Variants in ANKRD11 observed in about 807,000 individuals in gnomAD.
ANKRD11 encodes the protein ankyrin repeat domain-containing protein 11.
In ANKRD11, 17 loss-of-function variants were observed where a neutral mutation model predicts 195.7. The ratio of observed to expected loss-of-function variants is 0.09; its 90% CI spans 0.06 to 0.13. The LOEUF is 0.13. Ranked by LOEUF, ANKRD11 falls within the 10% of genes least tolerant of loss-of-function variation. The pLI, the probability that ANKRD11 is intolerant of heterozygous loss-of-function variation, is 1.00. For missense variants in ANKRD11, 3,735 were observed against 3,566.1 expected (o/e 1.05, Z -1.21); for synonymous variants, 1,953 against 1,528.1 (o/e 1.28, Z -6.49).
intron 1 of ANKRD11, among the ~76,000 whole-genome samples, chr16:89,481,067 TTC>T (rs2057428962): frequency 6.6e-6 from 1 of 152,228 alleles, no homozygotes; most frequent in South Asian, 2.1e-4. Context: ...CTGCTTTCTT[TTC>T]TGTCTCCTTT....
intron 11 of ANKRD11, chr16:89,271,191 C>G: frequency 2.0e-6 from 1 of 498,502 alleles, no homozygotes; most frequent in Non-Finnish European, 3.7e-6. Flanking sequence ...CAGCCCTGCC[C>G]CCAGGGGACA....
chr16:89,427,408 A>T (rs571058613), intron 1 of ANKRD11, among the ~76,000 whole-genome samples: 1 of 152,342 alleles, frequency 6.6e-6, no homozygotes, highest in South Asian at 2.1e-4. Context: ...AGTGATCCAA[A>T]AATCTAGATG....
intron 2 of ANKRD11, among the ~76,000 whole-genome samples, chr16:89,332,447 C>A (rs2038116823): frequency 6.6e-6 from 1 of 152,168 alleles, no homozygotes; most frequent in South Asian, 2.1e-4. Flanking sequence ...AACGGCAGCA[C>A]CTGTACCCGC....
At chr16:89,473,659 G>A (rs554252139) in intron 1 of ANKRD11, among the ~76,000 whole-genome samples, 1 of 152,332 alleles carries the variant, frequency 6.6e-6, no homozygotes, top group African/African-American at 2.4e-5. Flanking sequence ...ATGGAGGAGA[G>A]AGAGATGCAA....
In ANKRD11 at chr16:89,384,879, C is replaced by CTTTTTTTTTTTTTTTTTTTTTTTTTT. The variant is rs869271846; in HGVS notation, c.-60+33379_-60+33404dup. Reference sequence around the variant, plus strand: ...GGAGCACACAATGAGAAATAGTTTTCTTTTTTTTTTTTTTTTTTTTTTTTT... The same window carrying CTTTTTTTTTTTTTTTTTTTTTTTTTT: ...GGAGCACACAATGAGAAATAGTTTTCTTTTTTTTTTTTTTTTTTTTTTTTTTTTTTTTTTTTTTTTTTTTTTTTTTT... On this transcript the variant is annotated intron_variant, in intron 2 of 12. Transcript: ENST00000301030. Among the ~76,000 whole-genome samples, 63 of 49,940 alleles carry CTTTTTTTTTTTTTTTTTTTTTTTTTT rather than the reference C, an allele frequency of 1.3e-3. 13 individuals carry two copies. Among genetic ancestry groups the CTTTTTTTTTTTTTTTTTTTTTTTTTT allele is most frequent in the Non-Finnish European group, 1.5e-3 (42 of 28,702 alleles). The allele number at this position is 49,940 out of a possible 152,430, so 32.8% of individuals were successfully genotyped here. A position where few individuals can be genotyped will look rare whatever the true frequency, so the allele number is the denominator to read the frequency against.
chr16:89,418,358 C>T lies in ANKRD11; in HGVS notation c.-134G>A. On this transcript the variant is annotated 5_prime_UTR_variant, in exon 2 of 13. Transcript: ENST00000301030. ...AATGGAGGTGTGTCCCAGAGCAGGGCTGTATATATTCTGAAACAAGAGAGT... is the reference window on the plus strand; with the variant it reads ...AATGGAGGTGTGTCCCAGAGCAGGGTTGTATATATTCTGAAACAAGAGAGT... 2 of 449,744 alleles carry T rather than the reference C, an allele frequency of 4.4e-6. No homozygotes were observed. Among genetic ancestry groups the T allele is most frequent in the Non-Finnish European group, 8.9e-6 (2 of 224,174 alleles). The allele number at this position is 449,744 out of a possible 1,614,324, so 27.9% of individuals were successfully genotyped here.
At position 89,470,466 on chromosome 16, in the gene ANKRD11, TAC is replaced by T. The variant is rs138419675; in HGVS notation, c.-145+19777_-145+19778del. 1.3e-3 allele frequency among the ~76,000 whole-genome samples: 201 copies of T among 152,250 alleles called. 1 individual carries two copies. The highest frequency in any genetic ancestry group is 4.6e-3 in the African/African-American group (193 of 41,552). On this transcript the variant is annotated intron_variant, in intron 1 of 12. Coordinates refer to ENST00000301030, the MANE Select transcript of ANKRD11 (RefSeq NM_013275.6). ...GAGAGGCAGCCATGGGTGTTTTGTG[TAC>T]AGACTAAACGTAGGTAGGGAATACT...
intron 4 of ANKRD11, chr16:89,300,410 G>A: frequency 5.4e-6 from 1 of 183,652 alleles, no homozygotes; most frequent in Non-Finnish European, 1.1e-5. Flanking sequence ...GCCCTTCCTG[G>A]CCAGAGGCTC....
intron 2 of ANKRD11, among the ~76,000 whole-genome samples, chr16:89,337,429 CTTTT>C (rs1165680827): frequency 3.2e-4 from 17 of 53,132 alleles, no homozygotes; most frequent in East Asian, 2.4e-3. Flanking sequence ...CTAAGCAATT[CTTTT>C]TTTTTTTTTT....
At chr16:89,375,592 T>C (rs1041139384) in intron 2 of ANKRD11, among the ~76,000 whole-genome samples, 4 of 151,976 alleles carry the variant, frequency 2.6e-5, no homozygotes, top group Non-Finnish European at 5.9e-5. Flanking sequence ...CCCGAGTGAT[T>C]ACAGGCGCCC....
At chr16:89,423,306 T>C (rs750677155) in intron 1 of ANKRD11, among the ~76,000 whole-genome samples, 2 of 152,276 alleles carry the variant, frequency 1.3e-5, no homozygotes, top group Non-Finnish European at 1.5e-5. Flanking sequence ...ACGATGGGCA[T>C]CTGCCCCCGA....
At chr16:89,367,908 G>A (rs1305973117) in intron 2 of ANKRD11, among the ~76,000 whole-genome samples, 2 of 152,184 alleles carry the variant, frequency 1.3e-5, no homozygotes, top group Non-Finnish European at 2.9e-5. Flanking sequence ...AGAGGCTGAG[G>A]TGGGAGGATC....
Position 89,283,387 on chromosome 16 carries a change from A to C in ANKRD11, c.3155T>G (p.Phe1052Cys). The C allele has an allele frequency of 1.2e-6, 2 of 1,613,584 alleles. No homozygotes were observed. The highest frequency in any genetic ancestry group is 1.1e-5 in the South Asian group (1 of 91,054). The change falls in exon 9 of 13, where the codon TTT becomes TGT. Residue 1052 changes from phenylalanine (F) to cysteine (C), a missense_variant. Transcript: ENST00000301030. The surrounding 1 kb of genome is among the most constrained non-coding windows in gnomAD (Gnocchi z 4.3). ...ILEKCQKDKE[F>C]DKCFKEKKDT... ...TTTTTTCTCTTTAAAACATTTATCA[A>C]ATTCTTTGTCCTTCTGACATTTTTC...
At position 89,267,980 on chromosome 16, in the gene ANKRD11, T is replaced by A. The variant is rs3852752; in HGVS notation, c.*498A>T. 0.1 allele frequency: 16,896 copies of A among 164,140 alleles called. 903 individuals carry two copies. Among genetic ancestry groups the A allele is most frequent in the East Asian group, 0.34 (2,042 of 5,926 alleles). The allele number at this position is 164,140 out of a possible 1,614,324, so 10.2% of individuals were successfully genotyped here. On this transcript the variant is annotated 3_prime_UTR_variant, in exon 13 of 13. Coordinates refer to ENST00000301030, the MANE Select transcript of ANKRD11 (RefSeq NM_013275.6). ...AGGTCTGAAGCCCAGTCTGAGGCCGTCGCAGCTCGGCGGCAACAGAACCAC... is the reference window on the plus strand; with the variant it reads ...AGGTCTGAAGCCCAGTCTGAGGCCGACGCAGCTCGGCGGCAACAGAACCAC...
At chr16:89,295,383 A>T (rs1381704670) in intron 4 of ANKRD11, among the ~76,000 whole-genome samples, 2 of 152,070 alleles carry the variant, frequency 1.3e-5, no homozygotes, top group African/African-American at 4.8e-5. Flanking sequence ...CCTCATCTTT[A>T]AGAAACAAGG....
chr16:89,420,332 G>A (rs962344007), intron 1 of ANKRD11: 8 of 152,164 alleles, frequency 5.3e-5, no homozygotes, highest in Non-Finnish European at 7.3e-5. Context: ...TGGGTTCAGC[G>A]CGCCAACAGG....
At chr16:89,322,958 T>C (rs955344512) in intron 2 of ANKRD11, 1 of 259,142 alleles carries the variant, frequency 3.9e-6, no homozygotes, top group Admixed American at 5.1e-5. Flanking sequence ...ATCCGCTCAC[T>C]TGAGCCTCCC....
Position 89,320,684 on chromosome 16 carries a change from G to A in ANKRD11, c.-59-3606C>T, listed in dbSNP as rs8047285. ...AAGCAGAAGCCACGGCGCCAAAGCTGTGGGCTCAGGGAACTTGCCCATTAC... is the reference window on the plus strand; with the variant it reads ...AAGCAGAAGCCACGGCGCCAAAGCTATGGGCTCAGGGAACTTGCCCATTAC... On this transcript the variant is annotated intron_variant, in intron 2 of 12. Coordinates refer to ENST00000301030, the MANE Select transcript of ANKRD11 (RefSeq NM_013275.6). Among the ~76,000 whole-genome samples, 478 of 152,328 alleles carry A rather than the reference G, an allele frequency of 3.1e-3. 3 individuals are homozygous for A. The highest frequency in any genetic ancestry group is 0.011 in the African/African-American group (459 of 41,570).
chr16:89,486,598 C>G (rs1283392191), intron 1 of ANKRD11, among the ~76,000 whole-genome samples: 1 of 152,126 alleles, frequency 6.6e-6, no homozygotes, highest in Non-Finnish European at 1.5e-5. Flanking sequence ...CATGGCCCAA[C>G]TGAGGAAAGG....
Sources: allele counts gnomAD v4.1 joint callset (sites outside exome capture counted in the v4.1 genomes callset), GRCh38; gene constraint gnomAD v4.1.1; non-coding constraint Gnocchi (gnomAD v3.1); transcripts MANE v1.5; gene names NCBI Gene and HGNC (gene_info 2026-07-23, HGNC 2026-07-21).